ATXN7: variants seen among roughly 807,000 people sequenced by gnomAD.
The protein encoded by ATXN7 is ataxin-7.
In ATXN7, 12 loss-of-function variants were observed where a neutral mutation model predicts 70.5. The observed-to-expected ratio is 0.17, with a 90% confidence interval of 0.11 to 0.28. The LOEUF is 0.28. Ranked by LOEUF, ATXN7 falls within the 10% of genes least tolerant of loss-of-function variation. The probability of loss-of-function intolerance (pLI) is 1.00; values close to 1 mark genes in which losing one functional copy is unlikely to be tolerated. For synonymous variants in ATXN7, 498 were observed against 448.7 expected, an observed-to-expected ratio of 1.11 and a Z score of -1.39; for missense variants, 1,256 against 1,131.7, an observed-to-expected ratio of 1.11 and a Z score of -1.58.
chr3:63,928,249 T>C (rs927590369), intron 4 of ATXN7, among the ~76,000 whole-genome samples: 1 of 152,214 alleles, frequency 6.6e-6, no homozygotes, highest in Non-Finnish European at 1.5e-5. Flanking sequence ...TGCATTGAGC[T>C]GTCTTCATGC....
chr3:63,948,651 G>A (rs1374807393), intron 4 of ATXN7, among the ~76,000 whole-genome samples: 1 of 152,176 alleles, frequency 6.6e-6, no homozygotes, highest in African/African-American at 2.4e-5. Context: ...ACCACAGTTT[G>A]GGGTATGGTT....
intron 4 of ATXN7, among the ~76,000 whole-genome samples, chr3:63,940,326 C>G (rs977361727): frequency 2.0e-5 from 3 of 149,846 alleles, no homozygotes; most frequent in Non-Finnish European, 3.0e-5. Context: ...CACACACACA[C>G]AGCCCCTCAG....
chr3:63,923,261 C>G (rs1704573205), intron 4 of ATXN7, among the ~76,000 whole-genome samples: 1 of 152,178 alleles, frequency 6.6e-6, no homozygotes, highest in Non-Finnish European at 1.5e-5. Context: ...CCAAGTCAGG[C>G]AGTTGGTCAG....
chr3:63,936,440 C>T (rs1281545166), intron 4 of ATXN7, among the ~76,000 whole-genome samples: 1 of 152,148 alleles, frequency 6.6e-6, no homozygotes, highest in East Asian at 1.9e-4. Flanking sequence ...TGAATGCTCC[C>T]TTAAAATGGA....
Position 63,881,077 on chromosome 3 carries a change from A to G in ATXN7, c.-111+16919A>G, listed in dbSNP as rs550728730. ...TGATGATAATGGCTATCATTTATTG[A>G]GCAGTTAGTATGTGCCAGACTGTGC... On this transcript the variant is annotated intron_variant, in intron 1 of 12. Coordinates refer to ENST00000674280, the MANE Select transcript of ATXN7 (RefSeq NM_001377405.1). Among the ~76,000 whole-genome samples, 131 of 152,342 alleles carry G rather than the reference A, an allele frequency of 8.6e-4. No individual in the cohort carries two copies. The South Asian group carries it at 0.012, about 14-fold the overall frequency.
intron 1 of ATXN7, among the ~76,000 whole-genome samples, chr3:63,866,054 C>A (rs1335986679): frequency 6.6e-6 from 1 of 151,658 alleles, no homozygotes; most frequent in African/African-American, 2.4e-5. Flanking sequence ...ATCACTGCCC[C>A]CTGTAACTTA....
chr3:63,918,431 A>G (rs899237202), intron 4 of ATXN7, among the ~76,000 whole-genome samples: 19 of 152,292 alleles, frequency 1.2e-4, no homozygotes, highest in African/African-American at 4.1e-4. Context: ...TTTCTCCTCA[A>G]CTGTTTCTTA....
chr3:63,929,595 T>G (rs1486435609), intron 4 of ATXN7, among the ~76,000 whole-genome samples: 1 of 152,174 alleles, frequency 6.6e-6, no homozygotes, highest in East Asian at 1.9e-4. Context: ...GAATTAGAAT[T>G]GTTAATTTTT....
At chr3:63,920,046 A>G (rs1704446569) in intron 4 of ATXN7, among the ~76,000 whole-genome samples, 1 of 152,082 alleles carries the variant, frequency 6.6e-6, no homozygotes, top group Non-Finnish European at 1.5e-5. Flanking sequence ...GGAAGAATTC[A>G]CGGGGAAACA....
At chr3:63,942,400 C>T (rs1412627892) in intron 4 of ATXN7, among the ~76,000 whole-genome samples, 7 of 152,118 alleles carry the variant, frequency 4.6e-5, no homozygotes, top group South Asian at 2.1e-4. Flanking sequence ...TAGCATTGTA[C>T]GTGGAACACA....
rs2074929777 is a variant in ATXN7, at chr3:63,950,070, A to AGG, written c.395-2309_395-2308insGG. On this transcript the variant is annotated intron_variant, in intron 4 of 12. Transcript: ENST00000674280. Reference sequence around the variant, plus strand: ...CAATTGATCTTAAGTTATTGAGGAAATAGAAATTTTTACAGAAGTATAGAT... The same window carrying AGG: ...CAATTGATCTTAAGTTATTGAGGAAAGGTAGAAATTTTTACAGAAGTATAGAT... Among the ~76,000 whole-genome samples, 3 of 152,212 alleles carry AGG rather than the reference A, an allele frequency of 2.0e-5. No homozygotes were observed. The South Asian group carries it at 6.2e-4, about 32-fold the overall frequency.
At chr3:63,941,449 C>G (rs1004243980) in intron 4 of ATXN7, among the ~76,000 whole-genome samples, 1 of 152,132 alleles carries the variant, frequency 6.6e-6, no homozygotes, top group African/African-American at 2.4e-5. Flanking sequence ...GTTGTGTGCT[C>G]CTAGAATCTA....
chr3:63,928,500 T>C (rs573959095), intron 4 of ATXN7, among the ~76,000 whole-genome samples: 1 of 152,304 alleles, frequency 6.6e-6, no homozygotes, highest in African/African-American at 2.4e-5. Context: ...GTAGTGGTAG[T>C]AATAATAGTA....
intron 1 of ATXN7, among the ~76,000 whole-genome samples, chr3:63,887,469 C>T (rs146664746): frequency 2.6e-5 from 4 of 152,282 alleles, no homozygotes; most frequent in African/African-American, 4.8e-5. Flanking sequence ...TTGGAAATTA[C>T]GTATAAACAT....
chr3:63,884,225 AC>A (rs1703004981), intron 1 of ATXN7, among the ~76,000 whole-genome samples: 1 of 147,994 alleles, frequency 6.8e-6, no homozygotes, highest in African/African-American at 2.5e-5. Flanking sequence ...ACACACACAC[AC>A]ACACACACAC....
rs1053792322 is a variant in ATXN7 at position 64,001,691 on chromosome 3, C to T, written c.*2224C>T. ...TTTCTCCCGGTAATACACAGAGCAT[C>T]GGGATTAGGAAATTAGCCATTTTGG... On this transcript the variant is annotated 3_prime_UTR_variant, in exon 13 of 13. Coordinates refer to ENST00000674280, the MANE Select transcript of ATXN7 (RefSeq NM_001377405.1). 5 of 152,118 alleles carry T rather than the reference C, an allele frequency of 3.3e-5. No homozygotes were observed. Among genetic ancestry groups the T allele is most frequent in the African/African-American group, 7.2e-5 (3 of 41,430 alleles). The allele number at this position is 152,118 out of a possible 1,614,324, so 9.4% of individuals were successfully genotyped here. A position where few individuals can be genotyped will look rare whatever the true frequency, so the allele number is the denominator to read the frequency against.
At chr3:63,944,659 A>C (rs1343095657) in intron 4 of ATXN7, among the ~76,000 whole-genome samples, 3 of 152,228 alleles carry the variant, frequency 2.0e-5, no homozygotes, top group Admixed American at 6.5e-5. Context: ...ACCATGAATA[A>C]GCGGGGATTA....
intron 4 of ATXN7, among the ~76,000 whole-genome samples, chr3:63,943,369 T>G (rs1467749772): frequency 6.6e-6 from 1 of 152,188 alleles, no homozygotes; most frequent in East Asian, 1.9e-4. Flanking sequence ...AGGAGATTAA[T>G]TGGGCCTGAT....
chr3:63,952,838 T>G (rs1200311835), intron 5 of ATXN7, among the ~76,000 whole-genome samples: 4 of 93,348 alleles, frequency 4.3e-5, no homozygotes, highest in African/African-American at 1.8e-4. Flanking sequence ...CATGGGCCTT[T>G]TTTTTTTTTT....
Sources: allele counts gnomAD v4.1 joint callset (sites outside exome capture counted in the v4.1 genomes callset), GRCh38; gene constraint gnomAD v4.1.1; transcripts MANE v1.5; gene names NCBI Gene and HGNC (gene_info 2026-07-23, HGNC 2026-07-21).